CRYBG1: variants seen among roughly 807,000 people sequenced by gnomAD.
CRYBG1 encodes crystallin beta-gamma domain containing 1.
Under a neutral mutation model 189.2 loss-of-function variants are expected in CRYBG1, and 139 were observed. That is an observed-to-expected ratio of 0.73 (90% CI 0.64 to 0.85). The LOEUF (loss-of-function observed/expected upper bound fraction) is 0.85. Among genes scored for constraint, CRYBG1 ranks in the 40% least tolerant of loss-of-function variants. The probability of loss-of-function intolerance (pLI) is 0.00; values close to 1 mark genes in which losing one functional copy is unlikely to be tolerated. For synonymous variants in CRYBG1, 1,023 were observed against 1,017.1 expected (o/e 1.01, Z -0.11); for missense variants, 2,611 against 2,675.8 (o/e 0.98, Z 0.53).
intron 2 of CRYBG1, among the ~76,000 whole-genome samples, chr6:106,486,275 T>TTTC (rs34013900): frequency 0.43 from 65,054 of 151,728 alleles, 15,337 homozygotes; most frequent in East Asian, 0.69. Context: ...TTCCAAAGTT[T>TTTC]TTCTTCTTAA....
At chr6:106,548,894 TC>T (rs951083022) in intron 13 of CRYBG1, among the ~76,000 whole-genome samples, 2 of 42,528 alleles carry the variant, frequency 4.7e-5, no homozygotes, top group African/African-American at 1.9e-4. Flanking sequence ...CCCTCCCCCC[TC>T]CCCCCACCCC....
rs143063193 is a variant in CRYBG1 at position 106,520,386 on chromosome 6, T to A, written c.3178T>A (p.Ser1060Thr). ...GATGGCTGAATCCAGTCCCACCAAC[T>A]CTCCCAGCAGCGGAAATCACTTAGC... ...PLMAESSPTN[S>T]PSSGNHLATP... Residue 1060 changes from serine (S) to threonine (T), a missense_variant, in exon 4 of 22, where the codon TCT becomes ACT. Ser to Thr is a moderately conservative substitution (Grantham distance 58, BLOSUM62 1). Coordinates refer to ENST00000633556, the MANE Select transcript of CRYBG1 (RefSeq NM_001371242.2). 25 of 1,613,716 alleles carry A rather than the reference T, an allele frequency of 1.5e-5. No individual in the cohort carries two copies. The African/African-American group carries it at 2.3e-4, about 15-fold the overall frequency.
intron 4 of CRYBG1, among the ~76,000 whole-genome samples, chr6:106,521,969 G>A (rs757605051): frequency 5.9e-5 from 9 of 152,080 alleles, no homozygotes; most frequent in Non-Finnish European, 1.0e-4. Context: ...TCCTGACCTC[G>A]TGATCCATCT....
At position 106,520,661 on chromosome 6, in the gene CRYBG1, G is replaced by A. The variant is rs373880356; in HGVS notation, c.3453G>A (p.Val1151=). ...TTCACGAAGACCATTTAGAAAAGGT[G>A]TTTGATCCCAAAGTGTTTACCTTTG... ...PPIHEDHLEK[V]FDPKVFTFGL... Residue 1151 remains valine, a synonymous_variant, in exon 4 of 22, where the codon GTG becomes GTA. Transcript: ENST00000633556. 1.9e-6 allele frequency: 3 copies of A among 1,614,070 alleles called. No individual in the cohort carries two copies. In the African/African-American group the frequency reaches 4.0e-5, roughly 22 times the overall value.
At chr6:106,507,508 A>C (rs1274636847) in intron 2 of CRYBG1, among the ~76,000 whole-genome samples, 1 of 152,152 alleles carries the variant, frequency 6.6e-6, no homozygotes, top group African/African-American at 2.4e-5. Flanking sequence ...AGCATGAAGA[A>C]ACTTGATGGT....
At chr6:106,485,734 A>G (rs1463493441) in intron 2 of CRYBG1, among the ~76,000 whole-genome samples, 1 of 152,178 alleles carries the variant, frequency 6.6e-6, no homozygotes, top group Non-Finnish European at 1.5e-5. Context: ...ATCTCTTGAA[A>G]TGGTTTTTGT....
intron 2 of CRYBG1, among the ~76,000 whole-genome samples, chr6:106,472,710 C>G (rs1028569058): frequency 6.7e-6 from 1 of 149,112 alleles, no homozygotes; most frequent in African/African-American, 2.5e-5. Context: ...GCCTGGCCAA[C>G]AAGGCGAAAC....
At chr6:106,452,045 T>C (rs1293311893) in intron 2 of CRYBG1, among the ~76,000 whole-genome samples, 1 of 147,726 alleles carries the variant, frequency 6.8e-6, no homozygotes, top group Non-Finnish European at 1.5e-5. Context: ...ATTTATTATG[T>C]AATCTATTTT....
intron 1 of CRYBG1, among the ~76,000 whole-genome samples, chr6:106,375,278 C>G (rs1333314616): frequency 6.6e-6 from 1 of 151,800 alleles, no homozygotes; most frequent in Non-Finnish European, 1.5e-5. Flanking sequence ...CCCAACTACT[C>G]GAAAGGCTGA....
chr6:106,491,885 C>G (rs116465973), intron 2 of CRYBG1, among the ~76,000 whole-genome samples: 3 of 152,186 alleles, frequency 2.0e-5, no homozygotes, highest in Non-Finnish European at 4.4e-5. Context: ...CAAACGAGAT[C>G]AATCATACTT....
chr6:106,477,256 T>C (rs1046137432), intron 2 of CRYBG1, among the ~76,000 whole-genome samples: 1 of 152,230 alleles, frequency 6.6e-6, no homozygotes, highest in African/African-American at 2.4e-5. Context: ...ATTAAATATT[T>C]AGTCTGTATG....
rs548151201 is a variant in CRYBG1 at position 106,443,200 on chromosome 6, C to G, written c.174-8494C>G. Reference sequence around the variant, plus strand: ...TGTATTTATAACTGCCTCCCTGTCACTTCTTCCTCTAAAAGATTTACAGTA... The same window carrying G: ...TGTATTTATAACTGCCTCCCTGTCAGTTCTTCCTCTAAAAGATTTACAGTA... On this transcript the variant is annotated intron_variant, in intron 1 of 21. Coordinates refer to ENST00000633556, the MANE Select transcript of CRYBG1 (RefSeq NM_001371242.2). Among the ~76,000 whole-genome samples the G allele has an allele frequency of 4.6e-5, 7 of 152,334 alleles. No individual in the cohort carries two copies. In the East Asian group the frequency reaches 5.8e-4, roughly 13 times the overall value.
intron 1 of CRYBG1, among the ~76,000 whole-genome samples, chr6:106,427,639 G>A (rs188430782): frequency 9.5e-4 from 145 of 152,246 alleles, no homozygotes; most frequent in African/African-American, 3.4e-3. Context: ...TGTCTCCACC[G>A]AAGTCAGTTC....
chr6:106,441,062 A>C (rs897021329), intron 1 of CRYBG1, among the ~76,000 whole-genome samples: 1 of 152,212 alleles, frequency 6.6e-6, no homozygotes, highest in Non-Finnish European at 1.5e-5. Context: ...GGAGGAAGTG[A>C]ATTTTGAAAT....
chr6:106,512,472 T>A lies in CRYBG1; in HGVS notation c.1355T>A (p.Val452Glu). 2 of 1,610,988 alleles carry A rather than the reference T, an allele frequency of 1.2e-6. No homozygotes were observed. The highest frequency in any genetic ancestry group is 1.7e-6 in the Non-Finnish European group (2 of 1,179,120). ...ARDDAVFDDE[V>E]APNAASDNAS... ...GACGACGCGGTGTTCGACGACGAGG[T>A]GGCGCCAAACGCGGCCAGCGATAAC... is the stretch of plus-strand genomic sequence containing the variant. Residue 452 changes from valine to glutamate, a missense_variant, in exon 3 of 22, where the codon GTG (valine) becomes GAG (glutamate). By Grantham distance (121) the Val-to-Glu change is moderately radical (BLOSUM62 -2). Transcript: ENST00000633556.
intron 1 of CRYBG1, 135 bp downstream of exon 1, chr6:106,361,216 C>T (rs1771861742): frequency 8.7e-7 from 1 of 1,147,700 alleles, no homozygotes; most frequent in African/African-American, 1.6e-5. Flanking sequence ...CAGGAGGGTA[C>T]CCGGGTCCGG....
chr6:106,501,329 A>T lies in CRYBG1; in HGVS notation c.313-10101A>T, dbSNP rs147241132. Among the ~76,000 whole-genome samples the T allele has an allele frequency of 3.7e-3, 560 of 152,272 alleles. 1 individual carries two copies. Among genetic ancestry groups the T allele is most frequent in the Middle Eastern group, 0.014 (4 of 294 alleles). On this transcript the variant is annotated intron_variant, in intron 2 of 21. Coordinates refer to ENST00000633556, the MANE Select transcript of CRYBG1 (RefSeq NM_001371242.2). The stretch of plus-strand genomic sequence containing the variant: ...CCTTATGAGCTGCAAAAAAGAGATT[A>T]AAAAAAGAGTAGGCTTATATTGTTT...
intron 1 of CRYBG1, among the ~76,000 whole-genome samples, chr6:106,399,769 A>C (rs1350780558): frequency 6.7e-6 from 1 of 149,990 alleles, no homozygotes; most frequent in Admixed American, 6.7e-5. Flanking sequence ...GCATCCTGCC[A>C]CCTCAGCCTC....
rs369779691 is a variant in CRYBG1, at chr6:106,552,024, A to G, written c.5439+46A>G. 9.1e-6 allele frequency: 14 copies of G among 1,535,220 alleles called. No individual in the cohort carries two copies. The South Asian group carries it at 1.2e-4, about 13-fold the overall frequency. ...ATGAGAATATTTAACTGAATTCTGG[A>G]TTTCCTTAATGTGTGTTCCTGGTTC... On this transcript the variant is annotated intron_variant, in intron 14 of 21. Transcript: ENST00000633556.
Sources: gnomAD v4.1 joint callset for allele counts (sites outside exome capture counted in the v4.1 genomes callset) on GRCh38, gnomAD v4.1.1 for gene constraint, MANE v1.5 for transcripts, NCBI Gene and HGNC (gene_info 2026-07-23, HGNC 2026-07-21) for gene names.